PARD3B: variants seen among roughly 807,000 people sequenced by gnomAD.
PARD3B encodes the protein partitioning defective 3 homolog B.
Under a neutral mutation model 130.2 loss-of-function variants are expected in PARD3B, and 103 were observed. That is an observed-to-expected ratio of 0.79 (90% CI 0.67 to 0.93). The LOEUF (loss-of-function observed/expected upper bound fraction) is 0.93. Among genes scored for constraint, PARD3B ranks in the 40% least tolerant of loss-of-function variants. The pLI is 0.00. For synonymous variants in PARD3B, 583 were observed against 553.2 expected, an observed-to-expected ratio of 1.05 and a Z score of -0.76; for missense variants, 1,609 against 1,499.2, an observed-to-expected ratio of 1.07 and a Z score of -1.21.
At chr2:205,009,335 G>C (rs1695523145) in intron 3 of PARD3B, among the ~76,000 whole-genome samples, 1 of 152,102 alleles carries the variant, frequency 6.6e-6, no homozygotes, top group African/African-American at 2.4e-5. Flanking sequence ...AACATACCAA[G>C]AAAGTATGTT....
At chr2:205,484,032 T>G (rs2049343769) in intron 20 of PARD3B, among the ~76,000 whole-genome samples, 1 of 152,102 alleles carries the variant, frequency 6.6e-6, no homozygotes, top group Non-Finnish European at 1.5e-5. Context: ...GACATCTGAG[T>G]GACTACACTT....
intron 22 of PARD3B, among the ~76,000 whole-genome samples, chr2:205,605,462 GTGTTT>G (rs1326186511): frequency 4.6e-5 from 7 of 152,052 alleles, no homozygotes; most frequent in Non-Finnish European, 8.8e-5. Context: ...TTGTGTGTGT[GTGTTT>G]TGTTTTGTTG....
chr2:205,443,191 A>G (rs1193908511), intron 20 of PARD3B, among the ~76,000 whole-genome samples: 1 of 152,164 alleles, frequency 6.6e-6, no homozygotes, highest in Non-Finnish European at 1.5e-5. Context: ...AACTTCCCTG[A>G]TATGCCTGTG....
chr2:204,892,495 C>A (rs553148078), intron 2 of PARD3B, among the ~76,000 whole-genome samples: 10 of 152,200 alleles, frequency 6.6e-5, no homozygotes, highest in Admixed American at 3.3e-4. Context: ...GATGTGGCTA[C>A]CTTGAATTGA....
At chr2:204,556,234 G>T (rs2030914096) in intron 1 of PARD3B, among the ~76,000 whole-genome samples, 1 of 152,142 alleles carries the variant, frequency 6.6e-6, no homozygotes, top group South Asian at 2.1e-4. Context: ...TGATTGTGTA[G>T]GTCAGGAATT....
chr2:205,528,822 A>G (rs1410694411), intron 21 of PARD3B, among the ~76,000 whole-genome samples: 2 of 150,900 alleles, frequency 1.3e-5, no homozygotes, highest in African/African-American at 2.4e-5. Context: ...AAGCTAGCCT[A>G]ACGAGGAATG....
At chr2:205,316,250 G>T (rs1485622985) in intron 18 of PARD3B, among the ~76,000 whole-genome samples, 1 of 152,038 alleles carries the variant, frequency 6.6e-6, no homozygotes, top group East Asian at 1.9e-4. Context: ...TGAAGAAAAG[G>T]TTGAAGGATG....
intron 15 of PARD3B, among the ~76,000 whole-genome samples, chr2:205,221,440 G>A (rs1221523364): frequency 6.6e-6 from 1 of 152,206 alleles, no homozygotes; most frequent in Non-Finnish European, 1.5e-5. Flanking sequence ...TGAGCCAGCA[G>A]TAGCCCGGTT....
intron 10 of PARD3B, among the ~76,000 whole-genome samples, chr2:205,156,030 A>G (rs945937804): frequency 1.3e-5 from 2 of 152,148 alleles, no homozygotes; most frequent in Non-Finnish European, 2.9e-5. Context: ...CAACAGTGAT[A>G]GACTGGATTA....
intron 21 of PARD3B, among the ~76,000 whole-genome samples, chr2:205,524,014 C>A (rs1397365914): frequency 6.6e-6 from 1 of 151,650 alleles, no homozygotes; most frequent in African/African-American, 2.4e-5. Context: ...AGGTTTTTTT[C>A]CTGAAAATTC....
chr2:205,133,017 A>C (rs571892362), intron 10 of PARD3B, among the ~76,000 whole-genome samples: 1 of 152,196 alleles, frequency 6.6e-6, no homozygotes, highest in African/African-American at 2.4e-5. Context: ...GTCTGTATCT[A>C]GTCTGCATTC....
chr2:204,991,468 G>A (rs1463425429), intron 3 of PARD3B, among the ~76,000 whole-genome samples: 2 of 141,176 alleles, frequency 1.4e-5, no homozygotes, highest in African/African-American at 5.4e-5. Context: ...TCTTAATCCA[G>A]TCTATCATTG....
intron 21 of PARD3B, among the ~76,000 whole-genome samples, chr2:205,518,831 C>CTTAGGAACCTTAGTTTAG (rs2050903194): frequency 6.6e-6 from 1 of 152,144 alleles, no homozygotes; most frequent in Non-Finnish European, 1.5e-5. Context: ...TTCTCCTTTG[C>CTTAGGAACCTTAGTTTAG]TTAGGAACCT....
chr2:205,269,805 CCTA>C lies in PARD3B; in HGVS notation c.2185+23986_2185+23988del, dbSNP rs1447510946. On this transcript the variant is annotated intron_variant, in intron 16 of 22. Coordinates refer to ENST00000406610, the MANE Select transcript of PARD3B (RefSeq NM_001302769.2). This position sits in a 1 kb window ranked among gnomAD's most constrained non-coding sequence, Gnocchi z 4.7. ...CTAAAAGGCAGCTATGTGCTTCTCT[CCTA>C]CTGGCATGTATCATAGACTCAGTAT... 6.6e-6 allele frequency among the ~76,000 whole-genome samples: 1 copy of C among 152,104 alleles called. No homozygotes were observed. The highest frequency in any genetic ancestry group is 1.5e-5 in the Non-Finnish European group (1 of 68,012).
At position 205,274,212 on chromosome 2, in the gene PARD3B, A is replaced by G. The variant is rs1446300503; in HGVS notation, c.2186-26318A>G. Reference sequence around the variant, plus strand: ...ATATTATAACCTCTGAAGAGAATTTAGTACCTATATTCTTTCTACTCTTTA... The same window carrying G: ...ATATTATAACCTCTGAAGAGAATTTGGTACCTATATTCTTTCTACTCTTTA... On this transcript the variant is annotated intron_variant, in intron 16 of 22. Transcript: ENST00000406610. This position sits in a 1 kb window ranked among gnomAD's most constrained non-coding sequence, Gnocchi z 4.2. Among the ~76,000 whole-genome samples the G allele has an allele frequency of 3.9e-5, 6 of 152,154 alleles. No individual in the cohort carries two copies. Among genetic ancestry groups the G allele is most frequent in the Non-Finnish European group, 2.9e-5 (2 of 68,020 alleles).
chr2:205,424,046 A>G (rs1007546211), intron 19 of PARD3B, among the ~76,000 whole-genome samples: 1 of 152,176 alleles, frequency 6.6e-6, no homozygotes, highest in African/African-American at 2.4e-5. Context: ...AGATTTATCT[A>G]TTTAACAAAC....
intron 10 of PARD3B, among the ~76,000 whole-genome samples, chr2:205,134,287 C>G (rs2032277891): frequency 6.6e-6 from 1 of 150,996 alleles, no homozygotes; most frequent in South Asian, 2.1e-4. Context: ...CTTCAGGAGG[C>G]TGAGGTTGGT....
chr2:205,329,140 T>G (rs1474687240), intron 18 of PARD3B, among the ~76,000 whole-genome samples: 1 of 152,222 alleles, frequency 6.6e-6, no homozygotes, highest in Non-Finnish European at 1.5e-5. Context: ...CGGGGTACAG[T>G]GATGAATGAG....
intron 22 of PARD3B, among the ~76,000 whole-genome samples, chr2:205,609,344 C>T (rs960237109): frequency 6.6e-5 from 10 of 152,044 alleles, no homozygotes; most frequent in Admixed American, 3.3e-4. Flanking sequence ...AAGAAAGCAC[C>T]GACCCCAGCT....
Sources: gnomAD v4.1 joint callset for allele counts (sites outside exome capture counted in the v4.1 genomes callset) on GRCh38, gnomAD v4.1.1 for gene constraint, Gnocchi (gnomAD v3.1) non-coding constraint, MANE v1.5 for transcripts, NCBI Gene and HGNC (gene_info 2026-07-23, HGNC 2026-07-21) for gene names.